TFEC: variants seen among roughly 807,000 people sequenced by gnomAD.
The protein encoded by TFEC is transcription factor EC, also known as class E basic helix-loop-helix protein 34.
In TFEC, 31 loss-of-function variants were observed where a neutral mutation model predicts 41.6. That is an observed-to-expected ratio of 0.74 (90% confidence interval 0.56 to 1.01). The LOEUF (loss-of-function observed/expected upper bound fraction) is 1.01. TFEC is among the 50% of genes least tolerant of loss of function. TFEC has a pLI of 0.00. For missense variants in TFEC, 402 were observed against 404.1 expected, an observed-to-expected ratio of 0.99 and a Z score of 0.04; for synonymous variants, 143 against 140.6, an observed-to-expected ratio of 1.02 and a Z score of -0.12.
intron 3 of TFEC, among the ~76,000 whole-genome samples, chr7:116,052,046 C>T (rs531853448): frequency 4.6e-5 from 7 of 150,922 alleles, no homozygotes; most frequent in South Asian, 2.1e-4. Flanking sequence ...GGTTTTTAAA[C>T]GTTTTAACTT....
upstream of TFEC, among the ~76,000 whole-genome samples, chr7:116,031,137 T>C (rs1004346926): frequency 2.0e-5 from 3 of 152,166 alleles, no homozygotes; most frequent in Admixed American, 1.3e-4. Flanking sequence ...TTGACCTGCA[T>C]CATTTTTTTT....
At chr7:116,083,488 A>C (rs1199269359) in intron 3 of TFEC, among the ~76,000 whole-genome samples, 2 of 151,980 alleles carry the variant, frequency 1.3e-5, no homozygotes, top group South Asian at 2.1e-4. Context: ...AAGTAAATAA[A>C]GGGAATCAAA....
intron 1 of TFEC, chr7:116,121,307 AT>A (rs1798103170): frequency 6.6e-6 from 1 of 152,024 alleles, no homozygotes; most frequent in African/African-American, 2.4e-5. Flanking sequence ...AGAAAGCTGC[AT>A]TTTGCCACAT....
chr7:116,149,186 C>CA (rs1798707651), intron 1 of TFEC, among the ~76,000 whole-genome samples: 1 of 151,920 alleles, frequency 6.6e-6, no homozygotes, highest in East Asian at 1.9e-4. Flanking sequence ...TTAAAACCAT[C>CA]AAAAAAGTTA....
chr7:116,037,693 T>C (rs780000544), intron 3 of TFEC, among the ~76,000 whole-genome samples: 1 of 151,986 alleles, frequency 6.6e-6, no homozygotes, highest in Non-Finnish European at 1.5e-5. Flanking sequence ...ATTTAATAAC[T>C]ACAAATTATC....
At chr7:116,039,451 CTG>C (rs879627433) in intron 3 of TFEC, among the ~76,000 whole-genome samples, 83 of 87,384 alleles carry the variant, frequency 9.5e-4, no homozygotes, top group African/African-American at 2.8e-3. Flanking sequence ...GTGTGTGTGT[CTG>C]TGTGTGTGTG....
intron 3 of TFEC, among the ~76,000 whole-genome samples, chr7:116,048,888 A>C (rs188472923): frequency 1.1e-4 from 16 of 152,332 alleles, no homozygotes; most frequent in Admixed American, 4.6e-4. Context: ...ACTAAGCTTC[A>C]GAAGTGAAAG....
chr7:115,990,042 T>A (rs1794037214), intron 1 of TFEC, among the ~76,000 whole-genome samples: 1 of 152,148 alleles, frequency 6.6e-6, no homozygotes, highest in Non-Finnish European at 1.5e-5. Flanking sequence ...AGAGGAAGGA[T>A]CAGGCAGCAA....
At chr7:116,032,881 T>A (rs140129951), upstream of TFEC, among the ~76,000 whole-genome samples, 323 of 152,268 alleles carry the variant, frequency 2.1e-3, 1 homozygote, top group African/African-American at 7.3e-3. Context: ...TCTAATAAAA[T>A]ATAGTTTTCA....
rs140389373 is a variant in TFEC, at chr7:116,121,201, G to C, written c.-68-9163C>G. 9.0e-3 allele frequency among the ~76,000 whole-genome samples: 1,369 copies of C among 151,972 alleles called. 23 individuals are homozygous for C. The highest frequency in any genetic ancestry group is 0.031 in the African/African-American group (1,293 of 41,468). ...CAAAATGAGGTATATACCCTCAATG[G>C]AATATTATTCATCCATAAAAAGGAA... On this transcript the variant is annotated intron_variant, in intron 1 of 8. Transcript: ENST00000484212.
At chr7:116,106,693 G>T (rs962907299) in intron 3 of TFEC, among the ~76,000 whole-genome samples, 1 of 152,030 alleles carries the variant, frequency 6.6e-6, no homozygotes, top group Admixed American at 6.6e-5. Flanking sequence ...GCTGACTTCA[G>T]ACAGTTTCAA....
At chr7:116,085,391 C>G (rs1223599905) in intron 3 of TFEC, among the ~76,000 whole-genome samples, 1 of 151,820 alleles carries the variant, frequency 6.6e-6, no homozygotes, top group East Asian at 1.9e-4. Context: ...AAATAGAAAT[C>G]CCATAAATCT....
chr7:115,955,662 T>C (rs149603551), intron 4 of TFEC, among the ~76,000 whole-genome samples: 12 of 152,094 alleles, frequency 7.9e-5, no homozygotes, highest in Non-Finnish European at 1.6e-4. Flanking sequence ...TTATAAATGT[T>C]TATTACTTTG....
chr7:116,005,727 T>C (rs934727455), intron 1 of TFEC, among the ~76,000 whole-genome samples: 1 of 152,158 alleles, frequency 6.6e-6, no homozygotes, highest in East Asian at 1.9e-4. Context: ...AGGAGCTGAA[T>C]GTTAATCACC....
intron 1 of TFEC, among the ~76,000 whole-genome samples, chr7:116,017,182 A>C (rs1270206826): frequency 6.6e-6 from 1 of 152,074 alleles, no homozygotes; most frequent in Non-Finnish European, 1.5e-5. Flanking sequence ...AGAATGGATC[A>C]CCTGTTCTCC....
At chr7:116,032,471 T>C (rs975102146), upstream of TFEC, among the ~76,000 whole-genome samples, 6 of 152,052 alleles carry the variant, frequency 3.9e-5, no homozygotes, top group Non-Finnish European at 5.9e-5. Context: ...GAAAATGTGG[T>C]ACATATACAT....
At chr7:115,947,673 A>T (rs1300234555) in intron 6 of TFEC, among the ~76,000 whole-genome samples, 1 of 151,388 alleles carries the variant, frequency 6.6e-6, no homozygotes, top group Non-Finnish European at 1.5e-5. Context: ...ATGGCCAGTG[A>T]TGGTGAGCAT....
intron 3 of TFEC, among the ~76,000 whole-genome samples, chr7:116,080,976 A>AGTGTGT (rs60317630): frequency 0.027 from 3,767 of 137,916 alleles, 62 homozygotes; most frequent in East Asian, 0.073. Flanking sequence ...AAGAAAATGT[A>AGTGTGT]GTGTGTGTGT....
chr7:116,061,261 C>G (rs1796550306), intron 3 of TFEC, among the ~76,000 whole-genome samples: 1 of 152,060 alleles, frequency 6.6e-6, no homozygotes, highest in Admixed American at 6.6e-5. Context: ...TACAAAAACA[C>G]AGGCATAGAT....
Sources: allele counts gnomAD v4.1 joint callset (sites outside exome capture counted in the v4.1 genomes callset), GRCh38; gene constraint gnomAD v4.1.1; transcripts MANE v1.5; gene names NCBI Gene and HGNC (gene_info 2026-07-23, HGNC 2026-07-21).